CRACR2A: variants seen among roughly 807,000 people sequenced by gnomAD.
CRACR2A encodes EF-hand calcium-binding domain-containing protein 4B.
A neutral mutation model predicts 90.5 loss-of-function variants in CRACR2A; 79 were observed. That is an observed-to-expected ratio of 0.87 (90% CI 0.73 to 1.05). The LOEUF (loss-of-function observed/expected upper bound fraction) is 1.05, where lower values mean the gene tolerates loss of function less well. Among genes scored for constraint, CRACR2A ranks in the 50% least tolerant of loss-of-function variants. The pLI is 0.00. For synonymous variants in CRACR2A, 338 were observed against 356.7 expected (o/e 0.95, Z 0.59); for missense variants, 823 against 897.2 (o/e 0.92, Z 1.06).
At chr12:3,620,318 T>C (rs937037319) in intron 17 of CRACR2A, among the ~76,000 whole-genome samples, 2 of 152,240 alleles carry the variant, frequency 1.3e-5, no homozygotes, top group Non-Finnish European at 2.9e-5. Context: ...TAACAAATAG[T>C]TATTCATTGT....
At chr12:3,743,831 C>T (rs1946567871) in intron 1 of CRACR2A, among the ~76,000 whole-genome samples, 1 of 152,166 alleles carries the variant, frequency 6.6e-6, no homozygotes, top group Non-Finnish European at 1.5e-5. Flanking sequence ...ACCCAAAAAT[C>T]TGAGTTCTGA....
At chr12:3,740,960 G>A (rs1232123772) in intron 1 of CRACR2A, among the ~76,000 whole-genome samples, 2 of 152,164 alleles carry the variant, frequency 1.3e-5, no homozygotes, top group Non-Finnish European at 2.9e-5. Flanking sequence ...GTTGACAGCT[G>A]TCTGACCACA....
At chr12:3,696,578 C>T (rs1445332890) in intron 4 of CRACR2A, among the ~76,000 whole-genome samples, 194 bp downstream of exon 4, 1 of 152,178 alleles carries the variant, frequency 6.6e-6, no homozygotes, top group East Asian at 1.9e-4. Context: ...AATCTGACAG[C>T]AAGTAAAGGC....
intron 7 of CRACR2A, among the ~76,000 whole-genome samples, chr12:3,660,882 ACACAC>A (rs1156367887): frequency 0.018 from 1,993 of 108,612 alleles, 51 homozygotes; most frequent in East Asian, 0.13. Context: ...ACACACACAC[ACACAC>A]AATTTTGGCC....
chr12:3,648,186 T>A, intron 11 of CRACR2A: 1 of 1,115,346 alleles, frequency 9.0e-7, no homozygotes, highest in Non-Finnish European at 1.1e-6. Context: ...ACCTAACAGT[T>A]TTGCTGACAA....
intron 1 of CRACR2A, among the ~76,000 whole-genome samples, chr12:3,744,222 C>T (rs1946574669): frequency 6.6e-6 from 1 of 152,198 alleles, no homozygotes. Context: ...AGTTGAAAAG[C>T]TTAATTTAAC....
chr12:3,642,187 A>G (rs536351439), intron 12 of CRACR2A, among the ~76,000 whole-genome samples: 1 of 151,584 alleles, frequency 6.6e-6, no homozygotes, highest in Admixed American at 6.6e-5. Flanking sequence ...CATCTAGAAA[A>G]TATACATTAA....
chr12:3,631,260 T>C (rs1944371170), intron 15 of CRACR2A, among the ~76,000 whole-genome samples: 1 of 152,216 alleles, frequency 6.6e-6, no homozygotes, highest in African/African-American at 2.4e-5. Flanking sequence ...GTTTCCATAA[T>C]TGGCCTCCTG....
Position 3,619,273 on chromosome 12 carries a change from T to C in CRACR2A, c.2032A>G (p.Thr678Ala), listed in dbSNP as rs1332505100. Residue 678 changes from threonine (T) to alanine (A), a missense_variant and splice_region_variant, in exon 18 of 20, where the codon ACG becomes GCG. Transcript: ENST00000440314. ...AGATGGAAATGCTTGCTCTTTACCG[T>C]GGCAAGCTGCTCTCCGAGGCCCCGG... ...VPRGLGEQLATENNLIFYECS... is the reference protein window; with the variant it reads ...VPRGLGEQLAAENNLIFYECS... 6.4e-7 allele frequency: 1 copy of C among 1,551,012 alleles called. No homozygotes were observed. The highest frequency in any genetic ancestry group is 2.0e-5 in the Admixed American group (1 of 51,004).
chr12:3,635,125 G>A (rs1307673633), intron 14 of CRACR2A, among the ~76,000 whole-genome samples: 2 of 152,142 alleles, frequency 1.3e-5, no homozygotes, highest in African/African-American at 4.8e-5. Flanking sequence ...CCCTCCCCAG[G>A]CAGAGCACTT....
chr12:3,656,474 TC>T (rs1025750846), intron 8 of CRACR2A, 68 bp from the exon 9 acceptor site: 87 of 1,454,512 alleles, frequency 6.0e-5, no homozygotes, highest in Non-Finnish European at 7.9e-5. Flanking sequence ...ATTTTTTTTT[TC>T]CCACCTTGAA....
intron 3 of CRACR2A, among the ~76,000 whole-genome samples, chr12:3,705,842 A>C (rs1257294510): frequency 6.6e-6 from 1 of 152,134 alleles, no homozygotes; most frequent in Non-Finnish European, 1.5e-5. Context: ...AAAAAAAGAC[A>C]CTACAATATT....
At chr12:3,739,763 G>T (rs988383656) in intron 1 of CRACR2A, among the ~76,000 whole-genome samples, 1 of 152,062 alleles carries the variant, frequency 6.6e-6, no homozygotes, top group East Asian at 1.9e-4. Flanking sequence ...GTGAAACCCC[G>T]TTTCTACTAA....
intron 3 of CRACR2A, among the ~76,000 whole-genome samples, chr12:3,708,574 G>A (rs894850490): frequency 3.9e-5 from 6 of 152,096 alleles, no homozygotes; most frequent in Admixed American, 3.9e-4. Flanking sequence ...ACAGGTGCCC[G>A]CCACCACGCC....
At chr12:3,681,061 G>A (rs1032925550) in intron 4 of CRACR2A, among the ~76,000 whole-genome samples, 5 of 150,780 alleles carry the variant, frequency 3.3e-5, no homozygotes, top group Non-Finnish European at 5.9e-5. Context: ...ATGCGGGTGC[G>A]GGTCACTTAC....
chr12:3,747,251 T>C (rs1946639983), intron 1 of CRACR2A, among the ~76,000 whole-genome samples: 1 of 152,202 alleles, frequency 6.6e-6, no homozygotes, highest in Non-Finnish European at 1.5e-5. Flanking sequence ...CTTCCTCATC[T>C]GTAAAATGGG....
intron 3 of CRACR2A, among the ~76,000 whole-genome samples, chr12:3,698,140 A>G (rs752039502): frequency 1.3e-5 from 2 of 152,250 alleles, no homozygotes; most frequent in Non-Finnish European, 2.9e-5. Context: ...TTAATACAAA[A>G]CTAAGTTCAT....
At chr12:3,691,558 G>T (rs568817433) in intron 4 of CRACR2A, among the ~76,000 whole-genome samples, 17 of 152,016 alleles carry the variant, frequency 1.1e-4, no homozygotes, top group Non-Finnish European at 2.1e-4. Context: ...GACCTTTATA[G>T]CTGCCTTTAA....
intron 7 of CRACR2A, among the ~76,000 whole-genome samples, chr12:3,665,463 A>C (rs1460319872): frequency 6.6e-6 from 1 of 152,240 alleles, no homozygotes; most frequent in Admixed American, 6.5e-5. Context: ...TATATCTGAA[A>C]AATCAGTTGG....
Sources: allele counts gnomAD v4.1 joint callset (sites outside exome capture counted in the v4.1 genomes callset), GRCh38; gene constraint gnomAD v4.1.1; transcripts MANE v1.5; gene names NCBI Gene and HGNC (gene_info 2026-07-23, HGNC 2026-07-21).